The following PTPRK variants were observed in gnomAD, a reference collection of about 807,000 sequenced individuals.
PTPRK encodes the protein protein tyrosine phosphatase receptor type K.
In PTPRK, 75 loss-of-function variants were observed where a neutral mutation model predicts 178.0. That is an observed-to-expected ratio of 0.42 (90% CI 0.35 to 0.51). The LOEUF (loss-of-function observed/expected upper bound fraction) is 0.51, where lower values mean the gene tolerates loss of function less well. Among genes scored for constraint, PTPRK ranks in the 20% least tolerant of loss-of-function variants. The probability of loss-of-function intolerance (pLI) is 0.02; values close to 1 mark genes in which losing one functional copy is unlikely to be tolerated. For synonymous variants in PTPRK, 637 were observed against 620.6 expected (o/e 1.03, Z -0.39); for missense variants, 1,441 against 1,797.8 (o/e 0.80, Z 3.59).
intron 6 of PTPRK, 147 bp from the exon 7 acceptor site, chr6:128,184,872 T>C (rs1802501029): frequency 1.2e-6 from 1 of 838,410 alleles, no homozygotes; most frequent in African/African-American, 1.7e-5. Flanking sequence ...ACGCATGATC[T>C]GACAACTGTA....
rs1828908708 is a variant in PTPRK, at chr6:128,322,304, T to C, written c.230A>G (p.Tyr77Cys). Reference sequence around the variant, plus strand: ...GTGATCTGAAGAGTCCACTATCATATAGGAACCTGAAATGACATTACAAAT... The same window carrying C: ...GTGATCTGAAGAGTCCACTATCATACAGGAACCTGAAATGACATTACAAAT... ...YLPPEMPQGS[Y>C]MIVDSSDHDP... is the part of the protein sequence containing the mutation. Residue 77 changes from tyrosine to cysteine, a missense_variant, in exon 3 of 30, where the codon TAT (tyrosine) becomes TGT (cysteine). By Grantham distance (194) the Tyr-to-Cys change is radical. Coordinates refer to ENST00000368226, the MANE Select transcript of PTPRK (RefSeq NM_002844.4). The C allele has an allele frequency of 3.2e-6, 5 of 1,571,208 alleles. No homozygotes were observed. Among genetic ancestry groups the C allele is most frequent in the Non-Finnish European group, 3.5e-6 (4 of 1,142,288 alleles).
chr6:128,127,739 C>A (rs1793610274), intron 7 of PTPRK, among the ~76,000 whole-genome samples: 2 of 152,170 alleles, frequency 1.3e-5, no homozygotes, highest in Non-Finnish European at 2.9e-5. Context: ...AGAATATTGA[C>A]ATATCTGAGA....
intron 3 of PTPRK, among the ~76,000 whole-genome samples, chr6:128,307,163 AT>A (rs200584490): frequency 0.025 from 2,169 of 87,300 alleles, 48 homozygotes; most frequent in African/African-American, 0.11. Context: ...AAAAAAAAAT[AT>A]ATATATATAT....
chr6:127,989,205 CA>C (rs1201561609), intron 21 of PTPRK, among the ~76,000 whole-genome samples: 1 of 152,012 alleles, frequency 6.6e-6, no homozygotes, highest in African/African-American at 2.4e-5. Context: ...TAAGAGACTG[CA>C]TATTCCACAT....
At chr6:128,147,030 A>G (rs375566922) in intron 7 of PTPRK, among the ~76,000 whole-genome samples, 6 of 152,136 alleles carry the variant, frequency 3.9e-5, no homozygotes, top group African/African-American at 1.4e-4. Context: ...TAATTAGCTC[A>G]TTCTTCTACC....
intron 7 of PTPRK, among the ~76,000 whole-genome samples, chr6:128,176,484 C>T (rs1338242273): frequency 6.6e-6 from 1 of 151,726 alleles, no homozygotes; most frequent in Non-Finnish European, 1.5e-5. Flanking sequence ...TAGGCCATAT[C>T]ATATGTAGTG....
At chr6:128,197,167 ATC>A (rs943849477) in intron 6 of PTPRK, among the ~76,000 whole-genome samples, 2 of 142,574 alleles carry the variant, frequency 1.4e-5, no homozygotes, top group African/African-American at 5.2e-5. Flanking sequence ...ACATTTTTTA[ATC>A]TCTTTTGTTT....
At chr6:128,242,152 C>T (rs1814586653) in intron 4 of PTPRK, among the ~76,000 whole-genome samples, 1 of 152,000 alleles carries the variant, frequency 6.6e-6, no homozygotes. Context: ...CTTCATGAGG[C>T]TTCTTTATAT....
In PTPRK at chr6:128,108,067, AAAACAC is replaced by A. The variant is rs1312462104; in HGVS notation, c.1163-18081_1163-18076del. Among the ~76,000 whole-genome samples, 26 of 126,234 alleles carry A rather than the reference AAAACAC, an allele frequency of 2.1e-4. No individual in the cohort carries two copies. The East Asian group carries it at 2.8e-3, about 14-fold the overall frequency. 82.8% of individuals were successfully genotyped at this position (126,234 alleles called of 152,430 possible). On this transcript the variant is annotated intron_variant, in intron 7 of 29. Transcript: ENST00000368226. Reference sequence around the variant, plus strand: ...AAAACAAACCAAATCCCTAAATAGCAAAACACACACACACACACACACACACACACA... The same window carrying A: ...AAAACAAACCAAATCCCTAAATAGCAACACACACACACACACACACACACA...
chr6:128,232,291 G>A (rs1446610378), intron 5 of PTPRK: 1 of 152,252 alleles, frequency 6.6e-6, no homozygotes, highest in African/African-American at 2.4e-5. Flanking sequence ...AAATACTCCA[G>A]TCCGCGTTGC....
intron 2 of PTPRK, among the ~76,000 whole-genome samples, chr6:128,383,759 A>AT (rs1289339050): frequency 6.6e-6 from 1 of 152,176 alleles, no homozygotes; most frequent in African/African-American, 2.4e-5. Context: ...TCTTAATTCT[A>AT]TTGTCAAGAA....
At chr6:128,381,672 C>CAG (rs1429021936) in intron 2 of PTPRK, among the ~76,000 whole-genome samples, 1 of 151,834 alleles carries the variant, frequency 6.6e-6, no homozygotes, top group East Asian at 1.9e-4. Context: ...ACAACATTTA[C>CAG]AGAGAGAGAG....
At chr6:128,375,372 G>A (rs762394432) in intron 2 of PTPRK, among the ~76,000 whole-genome samples, 41 of 151,664 alleles carry the variant, frequency 2.7e-4, no homozygotes, top group Admixed American at 7.2e-4. Context: ...GATGGCAGCA[G>A]GCAAAGAGAG....
At chr6:128,107,911 C>T (rs1345369018) in intron 7 of PTPRK, among the ~76,000 whole-genome samples, 3 of 152,086 alleles carry the variant, frequency 2.0e-5, no homozygotes, top group Admixed American at 2.0e-4. Context: ...CACGAGAGGC[C>T]TCTATTTTCT....
At chr6:128,180,588 T>C (rs1801753508) in intron 7 of PTPRK, among the ~76,000 whole-genome samples, 1 of 152,046 alleles carries the variant, frequency 6.6e-6, no homozygotes, top group African/African-American at 2.4e-5. Flanking sequence ...TATAATGCAC[T>C]TTGGAAGGAA....
chr6:128,353,205 T>C (rs1833433034), intron 2 of PTPRK, among the ~76,000 whole-genome samples: 1 of 152,156 alleles, frequency 6.6e-6, no homozygotes, highest in Non-Finnish European at 1.5e-5. Context: ...ACAGCTAAAA[T>C]AAAACACAGT....
In PTPRK at chr6:127,983,087, A is replaced by C. The variant is rs897816731; in HGVS notation, c.3388-107T>G. ...TTTCTCTATATGGAAATATGAATTA[A>C]AACACCAATATTTTTCTATATGACT... On this transcript the variant is annotated intron_variant, in intron 23 of 29. Coordinates refer to ENST00000368226, the MANE Select transcript of PTPRK (RefSeq NM_002844.4). 21 of 1,333,092 alleles carry C rather than the reference A, an allele frequency of 1.6e-5. No individual in the cohort carries two copies. The Admixed American group carries it at 5.3e-4, about 34-fold the overall frequency. The allele number at this position is 1,333,092 out of a possible 1,614,324, so 82.6% of individuals were successfully genotyped here. A position where few individuals can be genotyped will look rare whatever the true frequency, so the allele number is the denominator to read the frequency against.
intron 7 of PTPRK, among the ~76,000 whole-genome samples, chr6:128,148,455 T>G (rs1455295087): frequency 6.6e-6 from 1 of 152,190 alleles, no homozygotes; most frequent in Non-Finnish European, 1.5e-5. Flanking sequence ...GAATGTCTAC[T>G]ACAGCATGAA....
intron 3 of PTPRK, among the ~76,000 whole-genome samples, chr6:128,312,271 G>T (rs1738121712): frequency 6.6e-6 from 1 of 152,144 alleles, no homozygotes. Context: ...TTCACAGAAA[G>T]GCAGGGGAAA....
Sources: allele counts gnomAD v4.1 joint callset (sites outside exome capture counted in the v4.1 genomes callset), GRCh38; gene constraint gnomAD v4.1.1; transcripts MANE v1.5; gene names NCBI Gene and HGNC (gene_info 2026-07-23, HGNC 2026-07-21).